Variants in NYNRIN observed in about 807,000 individuals in gnomAD.
NYNRIN encodes the protein NYN domain and retroviral integrase containing.
NYNRIN carries 86 observed loss-of-function variants against 146.6 expected under a neutral mutation model. The ratio of observed to expected loss-of-function variants is 0.59; its 90% CI spans 0.49 to 0.70. NYNRIN has a LOEUF of 0.70. Ranked by LOEUF, NYNRIN falls within the 30% of genes least tolerant of loss-of-function variation. The pLI is 0.00. For synonymous variants in NYNRIN, 1,027 were observed against 1,001.3 expected (o/e 1.03, Z -0.48); for missense variants, 2,191 against 2,377.7 (o/e 0.92, Z 1.63).
At position 24,416,155 on chromosome 14, in the gene NYNRIN, C is replaced by G; in HGVS notation, c.4406C>G (p.Pro1469Arg). The G allele has an allele frequency of 6.2e-7, 1 of 1,613,866 alleles. No homozygotes were observed. Among genetic ancestry groups the G allele is most frequent in the Non-Finnish European group, 8.5e-7 (1 of 1,179,782 alleles). Residue 1469 changes from proline (P) to arginine (R), a missense_variant, in exon 9 of 9, where the codon CCC becomes CGC. Around this residue, in one of 3 missense-constraint regions of NYNRIN, gnomAD observed 1,291 missense variants for 1,417.0 expected, o/e 0.91. Transcript: ENST00000382554. ...GATGTGCCAGCCCCTACAGTGAGTC[C>G]CCATGCCATGGGCAAGAGGCCCAAT... The part of the protein sequence containing the change: ...PKDVPAPTVS[P>R]HAMGKRPNLL...
At position 24,415,885 on chromosome 14, in the gene NYNRIN, A is replaced by G. The variant is rs758950621; in HGVS notation, c.4136A>G (p.Asn1379Ser). The change falls in exon 9 of 9, where the codon AAC becomes AGC. Residue 1379 changes from asparagine (N) to serine (S), a missense_variant. Transcript: ENST00000382554. ...PLPVVFLTHCNWIFSLLWELL... is the reference protein window; with the variant it reads ...PLPVVFLTHCSWIFSLLWELL... ...CCAGTGGTTTTCCTCACTCACTGCA[A>G]CTGGATCTTCAGCCTCCTGTGGGAG... 5 of 1,613,920 alleles carry G rather than the reference A, an allele frequency of 3.1e-6. No homozygotes were observed. In the Admixed American group the frequency reaches 6.7e-5, roughly 22 times the overall value.
Position 24,417,536 on chromosome 14 carries a change from G to A in NYNRIN, c.*90G>A. ...TCCCAGCAGTGCTCTCAGTCCACTG[G>A]GGGCCCTCAGTTGTGCCTTTTGTAG... On this transcript the variant is annotated 3_prime_UTR_variant, in exon 9 of 9. Coordinates refer to ENST00000382554, the MANE Select transcript of NYNRIN (RefSeq NM_025081.3). The A allele has an allele frequency of 7.1e-7, 1 of 1,400,312 alleles. No individual in the cohort carries two copies. Among genetic ancestry groups the A allele is most frequent in the East Asian group, 2.6e-5 (1 of 38,968 alleles). The allele number at this position is 1,400,312 out of a possible 1,614,324, so 86.7% of individuals were successfully genotyped here. A position where few individuals can be genotyped will look rare whatever the true frequency, so the allele number is the denominator to read the frequency against.
rs759130124 is a variant in NYNRIN at position 24,409,514 on chromosome 14, C to T, written c.1720C>T (p.Arg574Ter). The change falls in exon 4 of 9, where the codon CGA (arginine) becomes TGA (stop). Residue 574 changes from arginine (R) to a stop codon, truncating the protein, a stop_gained. Coordinates refer to ENST00000382554, the MANE Select transcript of NYNRIN (RefSeq NM_025081.3). LOFTEE classifies it high-confidence loss of function. ...PSAAPKLPTS[R>*]MMLAVHTEPA... ...TGCAGCTCCCAAACTGCCTACATCT[C>T]GAATGATGCTGGCAGTGCACACAGA... 5.0e-6 allele frequency: 8 copies of T among 1,613,272 alleles called. No individual in the cohort carries two copies. Among genetic ancestry groups the T allele is most frequent in the East Asian group, 2.2e-5 (1 of 44,888 alleles).
rs1594743328 is a variant in NYNRIN at position 24,415,750 on chromosome 14, C to T, written c.4001C>T (p.Pro1334Leu). Residue 1334 changes from proline to leucine, a missense_variant, in exon 9 of 9, where the codon CCC becomes CTC. Physicochemically the swap from Pro to Leu is moderately conservative, Grantham distance 98. Transcript: ENST00000382554. ...GGCTTTGGTCTCTATGTTCTATCGC[C>T]CACCAGCCCCCCTGTCTCCCTTTCC... Reference protein sequence around the residue: ...CAGFGLYVLSPTSPPVSLSFS... With the variant: ...CAGFGLYVLSLTSPPVSLSFS... The T allele has an allele frequency of 6.2e-7, 1 of 1,613,676 alleles. No homozygotes were observed. The highest frequency in any genetic ancestry group is 1.1e-5 in the South Asian group (1 of 91,012).
chr14:24,414,198 G>A (rs186574273), intron 8 of NYNRIN, among the ~76,000 whole-genome samples: 2 of 152,366 alleles, frequency 1.3e-5, no homozygotes, highest in Non-Finnish European at 2.9e-5. Context: ...AGGTTTGTCT[G>A]CTGTGTCCTC....
In NYNRIN at chr14:24,408,217, C is replaced by T. The variant is rs558596464; in HGVS notation, c.547C>T (p.Pro183Ser). Residue 183 changes from proline to serine, a missense_variant, in exon 3 of 9, where the codon CCA (proline) becomes TCA (serine). Coordinates refer to ENST00000382554, the MANE Select transcript of NYNRIN (RefSeq NM_025081.3). ...TGCAGGGGACCTACTGCAGCTGCCCCCAGCGGTCCAGGAGCTGCTGCTGAG... is the reference window on the plus strand; with the variant it reads ...TGCAGGGGACCTACTGCAGCTGCCCTCAGCGGTCCAGGAGCTGCTGCTGAG... ...QHAGDLLQLP[P>S]AVQELLLSLV... 1.9e-6 allele frequency: 3 copies of T among 1,604,132 alleles called. No homozygotes were observed. Among genetic ancestry groups the T allele is most frequent in the African/African-American group, 2.7e-5 (2 of 74,938 alleles).
chr14:24,406,276 A>G (rs2042875598), intron 2 of NYNRIN, among the ~76,000 whole-genome samples: 1 of 146,430 alleles, frequency 6.8e-6, no homozygotes, highest in Admixed American at 6.9e-5. Flanking sequence ...GGAACCATAA[A>G]TATTCTAAGC....
rs762749449 is a variant in NYNRIN, at chr14:24,416,708, C to G, written c.4959C>G (p.Pro1653=). 1 of 1,613,982 alleles carries G rather than the reference C, an allele frequency of 6.2e-7. No individual in the cohort carries two copies. Among genetic ancestry groups the G allele is most frequent in the Non-Finnish European group, 8.5e-7 (1 of 1,179,884 alleles). The change falls in exon 9 of 9, where the codon CCC becomes CCG. Residue 1653 remains proline (P), a synonymous_variant. Transcript: ENST00000382554. Reference sequence around the variant, plus strand: ...GGGTGGAGGCATTCCCCCTGAAGCCCTACACACACACGGCTGTGGCCCAGG... The same window carrying G: ...GGGTGGAGGCATTCCCCCTGAAGCCGTACACACACACGGCTGTGGCCCAGG... ...TRWVEAFPLK[P]YTHTAVAQVL...
chr14:24,408,338 G>A lies in NYNRIN; in HGVS notation c.668G>A (p.Cys223Tyr). 1 of 1,613,768 alleles carries A rather than the reference G, an allele frequency of 6.2e-7. No homozygotes were observed. The highest frequency in any genetic ancestry group is 8.5e-7 in the Non-Finnish European group (1 of 1,179,894). ...DSHSDPEVLICPPQQQKEAPA... is the reference protein window; with the variant it reads ...DSHSDPEVLIYPPQQQKEAPA... ...CACTCCGATCCGGAGGTTCTAATCTGCCCTCCCCAGCAGCAGAAGGAAGCC... is the reference window on the plus strand; with the variant it reads ...CACTCCGATCCGGAGGTTCTAATCTACCCTCCCCAGCAGCAGAAGGAAGCC... Residue 223 changes from cysteine (C) to tyrosine (Y), a missense_variant, in exon 3 of 9, where the codon TGC becomes TAC. Transcript: ENST00000382554.
chr14:24,408,179 G>C lies in NYNRIN; in HGVS notation c.509G>C (p.Arg170Pro). ...TRAFGALVWI[R>P]GDQHAGDLLQ... is the part of the protein sequence containing the mutation. ...GCCTTTGGGGCCCTGGTCTGGATCCGTGGTGACCAGCATGCAGGGGACCTA... is the reference window on the plus strand; with the variant it reads ...GCCTTTGGGGCCCTGGTCTGGATCCCTGGTGACCAGCATGCAGGGGACCTA... The change falls in exon 3 of 9, where the codon CGT becomes CCT. Residue 170 changes from arginine to proline, a missense_variant. By Grantham distance (103) the Arg-to-Pro change is moderately radical (BLOSUM62 -2). This residue lies in a region of NYNRIN where 895 missense variants were observed against 941.2 expected (regional missense o/e 0.95). Coordinates refer to ENST00000382554, the MANE Select transcript of NYNRIN (RefSeq NM_025081.3). 1 of 1,600,692 alleles carries C rather than the reference G, an allele frequency of 6.2e-7. No homozygotes were observed. The highest frequency in any genetic ancestry group is 8.5e-7 in the Non-Finnish European group (1 of 1,176,576).
At chr14:24,400,209 A>G (rs2042832496) in intron 2 of NYNRIN, among the ~76,000 whole-genome samples, 1 of 152,112 alleles carries the variant, frequency 6.6e-6, no homozygotes, top group Admixed American at 6.5e-5. Context: ...TTTTCAGATG[A>G]AAGGGCTTGC....
Position 24,416,793 on chromosome 14 carries a change from G to A in NYNRIN, c.5044G>A (p.Gly1682Arg). ...TCCTGTGAGGCTGGAGGCAGCCCAG[G>A]GGCCCCAGTTTGCCCGGCACGTCCT... Reference protein sequence around the residue: ...GVPVRLEAAQGPQFARHVLVS... With the variant: ...GVPVRLEAAQRPQFARHVLVS... Residue 1682 changes from glycine to arginine, a missense_variant, in exon 9 of 9, where the codon GGG becomes AGG. This residue lies in a region of NYNRIN where 1,291 missense variants were observed against 1,417.0 expected (regional missense o/e 0.91). Transcript: ENST00000382554. The A allele has an allele frequency of 6.2e-7, 1 of 1,613,036 alleles. No individual in the cohort carries two copies. The highest frequency in any genetic ancestry group is 1.1e-5 in the South Asian group (1 of 91,050).
At chr14:24,400,946 T>C (rs565005661) in intron 2 of NYNRIN, among the ~76,000 whole-genome samples, 1 of 152,214 alleles carries the variant, frequency 6.6e-6, no homozygotes, top group Admixed American at 6.5e-5. Flanking sequence ...CGTGCCACCA[T>C]GCCCAGCTAA....
intron 1 of NYNRIN, 70 bp from the exon 2 acceptor site, chr14:24,399,160 G>C (rs1284592443): frequency 4.6e-6 from 6 of 1,298,022 alleles, no homozygotes; most frequent in Non-Finnish European, 6.4e-6. Flanking sequence ...TGGCTTAGGC[G>C]CCTGGGGCTG....
rs1343192523 is a variant in NYNRIN at position 24,416,153 on chromosome 14, TCCC to T, written c.4406_4408del (p.Pro1469del). 3.6e-5 allele frequency: 58 copies of T among 1,613,644 alleles called. No individual in the cohort carries two copies. Among genetic ancestry groups the T allele is most frequent in the Non-Finnish European group, 4.7e-5 (56 of 1,179,832 alleles). On this transcript the variant is annotated inframe_deletion, in exon 9 of 9. Coordinates refer to ENST00000382554, the MANE Select transcript of NYNRIN (RefSeq NM_025081.3). ...AGGATGTGCCAGCCCCTACAGTGAG[TCCC>T]CATGCCATGGGCAAGAGGCCCAATT...
intron 4 of NYNRIN, among the ~76,000 whole-genome samples, 158 bp downstream of exon 4, chr14:24,410,366 C>T (rs939067399): frequency 6.6e-6 from 1 of 152,194 alleles, no homozygotes; most frequent in Admixed American, 6.5e-5. Context: ...ATGGCTCCTG[C>T]GTGCCAGGCA....
Position 24,411,537 on chromosome 14 carries a change from G to A in NYNRIN, c.2642+87G>A. 4 of 1,122,724 alleles carry A rather than the reference G, an allele frequency of 3.6e-6. No homozygotes were observed. The highest frequency in any genetic ancestry group is 2.0e-4 in the Middle Eastern group (1 of 4,906). The allele number at this position is 1,122,724 out of a possible 1,614,324, so 69.5% of individuals were successfully genotyped here. A position where few individuals can be genotyped will look rare whatever the true frequency, so the allele number is the denominator to read the frequency against. ...GGTGGAGTCCGGCCTGTCTTCTCTG[G>A]GGAAATGGAGGCAAACATGTTGGGG... is the stretch of plus-strand genomic sequence containing the variant. On this transcript the variant is annotated intron_variant, in intron 6 of 8. Transcript: ENST00000382554. The surrounding 1 kb of genome is among the most constrained non-coding windows in gnomAD (Gnocchi z 4.3).
In NYNRIN at chr14:24,416,582, C is replaced by T. The variant is rs774720411; in HGVS notation, c.4833C>T (p.Thr1611=). The part of the protein sequence containing the change: ...VIESPWPLRS[T]APWSNLQIEV... ...AGTCCCCATGGCCCCTCAGGTCGAC[C>T]GCCCCCTGGTCGAACCTGCAGATCG... The change falls in exon 9 of 9, where the codon ACC becomes ACT. Residue 1611 remains threonine, a synonymous_variant. Transcript: ENST00000382554. 33 of 1,613,832 alleles carry T rather than the reference C, an allele frequency of 2.0e-5. No individual in the cohort carries two copies. Among genetic ancestry groups the T allele is most frequent in the South Asian group, 1.5e-4 (14 of 91,086 alleles).
rs1239259806 is a variant in NYNRIN, at chr14:24,418,122, A to T, written c.*676A>T. ...AGCCACAAGCCACCAGCTTGTCAGCATGGGAAGGGCAAGGGGGAAATGGGT... is the reference window on the plus strand; with the variant it reads ...AGCCACAAGCCACCAGCTTGTCAGCTTGGGAAGGGCAAGGGGGAAATGGGT... On this transcript the variant is annotated 3_prime_UTR_variant, in exon 9 of 9. Coordinates refer to ENST00000382554, the MANE Select transcript of NYNRIN (RefSeq NM_025081.3). 2.6e-6 allele frequency: 1 copy of T among 378,960 alleles called. No individual in the cohort carries two copies. Among genetic ancestry groups the T allele is most frequent in the East Asian group, 7.9e-5 (1 of 12,668 alleles). The allele number at this position is 378,960 out of a possible 1,614,324, so 23.5% of individuals were successfully genotyped here. A position where few individuals can be genotyped will look rare whatever the true frequency, so the allele number is the denominator to read the frequency against.
Sources: gnomAD v4.1 joint callset for allele counts (sites outside exome capture counted in the v4.1 genomes callset) on GRCh38, gnomAD v4.1.1 for gene constraint, gnomAD v4.1.1 regional missense constraint, Gnocchi (gnomAD v3.1) non-coding constraint, MANE v1.5 for transcripts, NCBI Gene and HGNC (gene_info 2026-07-23, HGNC 2026-07-21) for gene names.